The following CDK19 variants were observed in gnomAD, a reference collection of about 807,000 sequenced individuals.
CDK19 encodes the protein cyclin-dependent kinase 19.
CDK19 carries 20 observed loss-of-function variants against 68.3 expected under a neutral mutation model. That is an observed-to-expected ratio of 0.29 (90% CI 0.21 to 0.43). The LOEUF is 0.43. CDK19 is among the 20% of genes least tolerant of loss of function. CDK19 has a pLI of 1.00. For missense variants in CDK19, 339 were observed against 623.5 expected (o/e 0.54, Z 4.86); for synonymous variants, 221 against 222.8 (o/e 0.99, Z 0.07).
chr6:110,650,981 T>C (rs1780925101), intron 4 of CDK19, among the ~76,000 whole-genome samples: 1 of 152,080 alleles, frequency 6.6e-6, no homozygotes. Flanking sequence ...TCATGGTGTT[T>C]AGAGTGGTTA....
At chr6:110,618,143 A>T (rs961048813) in intron 12 of CDK19, among the ~76,000 whole-genome samples, 1 of 151,548 alleles carries the variant, frequency 6.6e-6, no homozygotes, top group Non-Finnish European at 1.5e-5. Context: ...CTATTCATTT[A>T]TTTTTTTTCA....
intron 12 of CDK19, among the ~76,000 whole-genome samples, chr6:110,617,734 G>A (rs1368431598): frequency 7.1e-6 from 1 of 141,592 alleles, no homozygotes; most frequent in Admixed American, 7.1e-5. Flanking sequence ...ATACATGCCT[G>A]TAGTCTCAGC....
chr6:110,638,088 A>G (rs771173060), intron 5 of CDK19, among the ~76,000 whole-genome samples: 1 of 152,224 alleles, frequency 6.6e-6, no homozygotes, highest in Non-Finnish European at 1.5e-5. Flanking sequence ...AGGATTATAA[A>G]GGAAATCTTA....
intron 4 of CDK19, among the ~76,000 whole-genome samples, chr6:110,643,979 T>C (rs1326955218): frequency 6.6e-6 from 1 of 151,936 alleles, no homozygotes; most frequent in African/African-American, 2.4e-5. Context: ...TTAAACATTA[T>C]TAAAAATTAA....
intron 12 of CDK19, among the ~76,000 whole-genome samples, chr6:110,618,000 T>C (rs896495506): frequency 6.6e-6 from 1 of 151,408 alleles, no homozygotes; most frequent in Non-Finnish European, 1.5e-5. Context: ...AGAACATCCA[T>C]ATTTGGCATA....
chr6:110,784,609 T>C (rs143551458), intron 1 of CDK19, among the ~76,000 whole-genome samples: 12 of 152,298 alleles, frequency 7.9e-5, no homozygotes, highest in African/African-American at 2.9e-4. Flanking sequence ...ACAGCTAACA[T>C]ATTATGCTGC....
At chr6:110,643,558 G>T (rs995344348) in intron 4 of CDK19, among the ~76,000 whole-genome samples, 3 of 152,118 alleles carry the variant, frequency 2.0e-5, no homozygotes, top group African/African-American at 7.2e-5. Flanking sequence ...AGATTTTGGG[G>T]TTATAGCTAA....
chr6:110,646,539 A>T, intron 4 of CDK19: 3 of 1,161,112 alleles, frequency 2.6e-6, no homozygotes, highest in East Asian at 3.0e-5. Context: ...CACCTGCAAC[A>T]GGTGCTTAAG....
intron 1 of CDK19, among the ~76,000 whole-genome samples, chr6:110,792,491 T>C (rs140402427): frequency 0.028 from 4,260 of 152,138 alleles, 82 homozygotes; most frequent in South Asian, 0.084. Flanking sequence ...CACTGCAACC[T>C]CCGCCTCTCA....
intron 1 of CDK19, among the ~76,000 whole-genome samples, chr6:110,802,381 T>A (rs958528831): frequency 6.6e-6 from 1 of 152,116 alleles, no homozygotes; most frequent in African/African-American, 2.4e-5. Context: ...TGCAGCAACA[T>A]GGGTTGGGCT....
chr6:110,691,999 A>G (rs2114585230), intron 2 of CDK19, among the ~76,000 whole-genome samples: 1 of 151,898 alleles, frequency 6.6e-6, no homozygotes, highest in East Asian at 2.0e-4. Flanking sequence ...AACTTCTGGA[A>G]ATGAAAGACA....
Position 110,801,529 on chromosome 6 carries a change from T to G in CDK19, c.128+13480A>C, listed in dbSNP as rs374097906. On this transcript the variant is annotated intron_variant, in intron 1 of 12. Transcript: ENST00000368911. ...CAGGTTTTTTTGTGTGTTTTTTTTT[T>G]GAGACAGGGTTTTGCACTGTCGCCC... Among the ~76,000 whole-genome samples the G allele has an allele frequency of 1.6e-4, 24 of 152,218 alleles. No homozygotes were observed. In the East Asian group the frequency reaches 2.9e-3, roughly 18 times the overall value.
rs543266613 is a variant in CDK19 at position 110,750,785 on chromosome 6, C to T, written c.129-4584G>A. On this transcript the variant is annotated intron_variant, in intron 1 of 12. Coordinates refer to ENST00000368911, the MANE Select transcript of CDK19 (RefSeq NM_015076.5). ...ATAGATAAGAAGACTTTTGAGTGCCCAGGAAAGAACTGGAGGGAGGGAGGA... is the reference window on the plus strand; with the variant it reads ...ATAGATAAGAAGACTTTTGAGTGCCTAGGAAAGAACTGGAGGGAGGGAGGA... Among the ~76,000 whole-genome samples, 3 of 152,200 alleles carry T rather than the reference C, an allele frequency of 2.0e-5. No individual in the cohort carries two copies. The East Asian group carries it at 5.8e-4, about 29-fold the overall frequency.
chr6:110,661,065 C>A (rs1781590602), intron 4 of CDK19, among the ~76,000 whole-genome samples: 1 of 152,118 alleles, frequency 6.6e-6, no homozygotes, highest in South Asian at 2.1e-4. Flanking sequence ...GTGGACTATA[C>A]CTAATAACTT....
rs1778103916 is a variant in CDK19 at position 110,612,972 on chromosome 6, G to T, written c.*1563C>A. The T allele has an allele frequency of 6.6e-6, 1 of 152,622 alleles. No homozygotes were observed. Among genetic ancestry groups the T allele is most frequent in the East Asian group, 1.9e-4 (1 of 5,208 alleles). 9.5% of individuals were successfully genotyped at this position (152,622 alleles called of 1,614,324 possible). A position where few individuals can be genotyped will look rare whatever the true frequency, so the allele number is the denominator to read the frequency against. On this transcript the variant is annotated 3_prime_UTR_variant, in exon 13 of 13. Coordinates refer to ENST00000368911, the MANE Select transcript of CDK19 (RefSeq NM_015076.5). ...ATAACCAGGTAGATAAGTTCAGAAAGAATAGTTTTTAAAAATGCATGTAAT... is the reference window on the plus strand; with the variant it reads ...ATAACCAGGTAGATAAGTTCAGAAATAATAGTTTTTAAAAATGCATGTAAT...
intron 4 of CDK19, among the ~76,000 whole-genome samples, chr6:110,647,275 A>G (rs1317535616): frequency 6.6e-6 from 1 of 151,878 alleles, no homozygotes; most frequent in African/African-American, 2.4e-5. Flanking sequence ...CAGCGACTTC[A>G]CCAAAATCCC....
At chr6:110,810,017 G>A (rs904864124) in intron 1 of CDK19, among the ~76,000 whole-genome samples, 4 of 152,200 alleles carry the variant, frequency 2.6e-5, no homozygotes, top group Non-Finnish European at 4.4e-5. Context: ...GGAAAAGGGG[G>A]AGGGAAGAAT....
chr6:110,731,789 CTATTTGCA>C (rs1776781131), intron 2 of CDK19, among the ~76,000 whole-genome samples: 1 of 152,070 alleles, frequency 6.6e-6, no homozygotes, highest in African/African-American at 2.4e-5. Context: ...ATAGACTATC[CTATTTGCA>C]TAGACTATCC....
At chr6:110,693,688 G>A (rs1189140963) in intron 2 of CDK19, among the ~76,000 whole-genome samples, 1 of 152,086 alleles carries the variant, frequency 6.6e-6, no homozygotes, top group African/African-American at 2.4e-5. Context: ...AATTCCCCTT[G>A]GAACATAATC....
Sources: gnomAD v4.1 joint callset for allele counts (sites outside exome capture counted in the v4.1 genomes callset) on GRCh38, gnomAD v4.1.1 for gene constraint, MANE v1.5 for transcripts, NCBI Gene and HGNC (gene_info 2026-07-23, HGNC 2026-07-21) for gene names.